RRM1: variants seen among roughly 807,000 people sequenced by gnomAD.
RRM1 encodes ribonucleoside-diphosphate reductase large subunit.
In RRM1, 19 loss-of-function variants were observed where a neutral mutation model predicts 101.5. The observed-to-expected ratio is 0.19, with a 90% CI of 0.13 to 0.27. The LOEUF is 0.27. Ranked by LOEUF, RRM1 falls within the 10% of genes least tolerant of loss-of-function variation. RRM1 has a pLI of 1.00. For synonymous variants in RRM1, 298 were observed against 323.4 expected, an observed-to-expected ratio of 0.92 and a Z score of 0.84; for missense variants, 500 against 962.9, an observed-to-expected ratio of 0.52 and a Z score of 6.36.
intron 4 of RRM1, 85 bp downstream of exon 4, chr11:4,107,620 A>G: frequency 1.3e-6 from 1 of 770,772 alleles, no homozygotes; most frequent in Non-Finnish European, 2.3e-6. Context: ...ACACTGCAAA[A>G]GATACAGGTA....
At chr11:4,111,132 C>T (rs2133296467) in intron 5 of RRM1, among the ~76,000 whole-genome samples, 1 of 152,126 alleles carries the variant, frequency 6.6e-6, no homozygotes, top group East Asian at 1.9e-4. Context: ...GAGTTTGACA[C>T]CAGCCTGGGC....
Position 4,132,556 on chromosome 11 carries a change from C to G in RRM1, c.1905+135C>G. 1.3e-6 allele frequency: 1 copy of G among 750,190 alleles called. No individual in the cohort carries two copies. Among genetic ancestry groups the G allele is most frequent in the Non-Finnish European group, 2.2e-6 (1 of 462,036 alleles). 46.5% of individuals were successfully genotyped at this position (750,190 alleles called of 1,614,324 possible). A position where few individuals can be genotyped will look rare whatever the true frequency, so the allele number is the denominator to read the frequency against. ...TTGATAAAGACAGTCATCTTCATCT[C>G]TAATATTATTATTTGTTATTAATAT... On this transcript the variant is annotated intron_variant, in intron 16 of 18. Coordinates refer to ENST00000300738, the MANE Select transcript of RRM1 (RefSeq NM_001033.5). This position sits in a 1 kb window ranked among gnomAD's most constrained non-coding sequence, Gnocchi z 4.1.
Position 4,132,447 on chromosome 11 carries a change from A to G in RRM1, c.1905+26A>G, listed in dbSNP as rs770397893. 9.2e-5 allele frequency: 149 copies of G among 1,611,558 alleles called. No individual in the cohort carries two copies. Among genetic ancestry groups the G allele is most frequent in the Middle Eastern group, 1.6e-4 (1 of 6,078 alleles). On this transcript the variant is annotated intron_variant, in intron 16 of 18. Transcript: ENST00000300738. This position sits in a 1 kb window ranked among gnomAD's most constrained non-coding sequence, Gnocchi z 4.1. ...GTGAGCAGTTCACAACCAGCCTTAC[A>G]GGGAGATCTTTCAAAAGCCTGATGT...
rs754043252 is a variant in RRM1, at chr11:4,127,088, G to A, written c.1524G>A (p.Leu508=). Residue 508 remains leucine (L), a synonymous_variant, in exon 14 of 19, where the codon CTG becomes CTA. Coordinates refer to ENST00000300738, the MANE Select transcript of RRM1 (RefSeq NM_001033.5). ...HRPIGIGVQG[L]ADAFILMRYP... ...CCATTGGAATTGGGGTACAAGGTCTGGCAGATGCTTTTATCCTGATGAGAT... is the reference window on the plus strand; with the variant it reads ...CCATTGGAATTGGGGTACAAGGTCTAGCAGATGCTTTTATCCTGATGAGAT... The A allele has an allele frequency of 6.2e-7, 1 of 1,614,152 alleles. No homozygotes were observed. The highest frequency in any genetic ancestry group is 1.1e-5 in the South Asian group (1 of 91,072).
chr11:4,129,482 T>C (rs574416928), intron 15 of RRM1, among the ~76,000 whole-genome samples: 2 of 152,222 alleles, frequency 1.3e-5, no homozygotes, highest in East Asian at 1.9e-4. Flanking sequence ...TTTTTTTAAA[T>C]GTTTTTCATT....
chr11:4,095,461 G>T (rs937651487), intron 1 of RRM1, among the ~76,000 whole-genome samples: 21 of 150,086 alleles, frequency 1.4e-4, no homozygotes, highest in African/African-American at 5.1e-4. Flanking sequence ...TTTGAAAACC[G>T]TGGGGTTGGT....
At chr11:4,125,739 A>T (rs1010189261) in intron 12 of RRM1, among the ~76,000 whole-genome samples, 2 of 152,206 alleles carry the variant, frequency 1.3e-5, no homozygotes, top group African/African-American at 4.8e-5. Context: ...AATTCTGTTT[A>T]AAAATTATAC....
intron 8 of RRM1, 166 bp from the exon 9 acceptor site, chr11:4,119,679 T>G: frequency 1.7e-6 from 1 of 595,216 alleles, no homozygotes; most frequent in Non-Finnish European, 3.0e-6. Flanking sequence ...ATTTTGTTGA[T>G]TTTATTTGGG....
chr11:4,111,998 A>G lies in RRM1; in HGVS notation c.586A>G (p.Arg196Gly). The G allele has an allele frequency of 2.5e-6, 4 of 1,614,108 alleles. No individual in the cohort carries two copies. The highest frequency in any genetic ancestry group is 3.4e-6 in the Non-Finnish European group (4 of 1,179,982). The change falls in exon 7 of 19, where the codon AGG (arginine) becomes GGG (glycine). Residue 196 changes from arginine (R) to glycine (G), a missense_variant. By Grantham distance (125) the Arg-to-Gly change is moderately radical. Around this residue, in one of 9 missense-constraint regions of RRM1, gnomAD observed 111 missense variants for 219.8 expected, o/e 0.51. Coordinates refer to ENST00000300738, the MANE Select transcript of RRM1 (RefSeq NM_001033.5). ...TGAAACATATAATCTTCTTTCTGAG[A>G]GGTGGTTTACTCATGCTTCGCCCAC... ...AIETYNLLSE[R>G]WFTHASPTLF...
At chr11:4,133,272 G>A (rs926740632) in intron 16 of RRM1, among the ~76,000 whole-genome samples, 1 of 152,192 alleles carries the variant, frequency 6.6e-6, no homozygotes, top group Non-Finnish European at 1.5e-5. Flanking sequence ...TGCCTCCTGG[G>A]TTCAAGCAAT....
Position 4,132,551 on chromosome 11 carries a change from C to A in RRM1, c.1905+130C>A. The A allele has an allele frequency of 1.3e-6, 1 of 770,720 alleles. No homozygotes were observed. The highest frequency in any genetic ancestry group is 2.1e-6 in the Non-Finnish European group (1 of 473,368). The allele number at this position is 770,720 out of a possible 1,614,324, so 47.7% of individuals were successfully genotyped here. On this transcript the variant is annotated intron_variant, in intron 16 of 18. Coordinates refer to ENST00000300738, the MANE Select transcript of RRM1 (RefSeq NM_001033.5). The surrounding 1 kb of genome is among the most constrained non-coding windows in gnomAD (Gnocchi z 4.1). ...AAACTTTGATAAAGACAGTCATCTT[C>A]ATCTCTAATATTATTATTTGTTATT...
At chr11:4,133,754 G>C (rs1417234975) in intron 17 of RRM1, 96 bp downstream of exon 17, 2 of 686,892 alleles carry the variant, frequency 2.9e-6, no homozygotes, top group Non-Finnish European at 5.0e-6. Flanking sequence ...TGACTTCATT[G>C]TGTTCATCTA....
rs2094576767 is a variant in RRM1 at position 4,118,309 on chromosome 11, T to C, written c.651-11T>C. On this transcript the variant is annotated splice_polypyrimidine_tract_variant and intron_variant, in intron 7 of 18. Transcript: ENST00000300738. ...TCCTTGCTCTAAGTTGAGACATTTT[T>C]TCCCCCGTAGCTGTTTTCTTCTGAG... The C allele has an allele frequency of 6.2e-7, 1 of 1,608,728 alleles. No homozygotes were observed. Among genetic ancestry groups the C allele is most frequent in the Admixed American group, 1.7e-5 (1 of 59,696 alleles).
rs554639015 is a variant in RRM1, at chr11:4,100,178, T to A, written c.20-1815T>A. 3.9e-5 allele frequency among the ~76,000 whole-genome samples: 6 copies of A among 152,354 alleles called. No individual in the cohort carries two copies. In the South Asian group the frequency reaches 8.3e-4, roughly 21 times the overall value. The stretch of plus-strand genomic sequence containing the variant: ...TAGAAGAAAAAGCAACTTGTTCTAG[T>A]GATAATGGGTTAATAGTGATGTCTT... On this transcript the variant is annotated intron_variant, in intron 1 of 18. Transcript: ENST00000300738.
At chr11:4,106,404 G>C (rs1363246081) in intron 3 of RRM1, 181 bp downstream of exon 3, 16 of 596,612 alleles carry the variant, frequency 2.7e-5, no homozygotes, top group Middle Eastern at 4.4e-4. Flanking sequence ...TTTGAGACCA[G>C]CCTGGGCAAT....
chr11:4,095,779 G>T (rs1000698726), intron 1 of RRM1, among the ~76,000 whole-genome samples: 5 of 152,130 alleles, frequency 3.3e-5, no homozygotes, highest in African/African-American at 1.2e-4. Flanking sequence ...TTTGTGCCCA[G>T]CCCTTTGCTT....
intron 5 of RRM1, 70 bp downstream of exon 5, chr11:4,109,773 T>C: frequency 7.6e-7 from 1 of 1,320,204 alleles, no homozygotes; most frequent in Non-Finnish European, 1.1e-6. Flanking sequence ...TGTTTATGTT[T>C]TGGTGACAGT....
intron 12 of RRM1, among the ~76,000 whole-genome samples, chr11:4,124,831 T>TTTTTC (rs147896717): frequency 2.0e-5 from 3 of 149,886 alleles, no homozygotes; most frequent in Admixed American, 6.6e-5. Flanking sequence ...TTCAGTGTTT[T>TTTTTC]TTTTCTTTTC....
chr11:4,112,326 C>T (rs1223092966), intron 7 of RRM1, among the ~76,000 whole-genome samples: 1 of 151,720 alleles, frequency 6.6e-6, no homozygotes, highest in Non-Finnish European at 1.5e-5. Context: ...GAGTAGTACA[C>T]TTTAAATGGG....
Sources: gnomAD v4.1 joint callset for allele counts (sites outside exome capture counted in the v4.1 genomes callset) on GRCh38, gnomAD v4.1.1 for gene constraint, gnomAD v4.1.1 regional missense constraint, Gnocchi (gnomAD v3.1) non-coding constraint, MANE v1.5 for transcripts, NCBI Gene and HGNC (gene_info 2026-07-23, HGNC 2026-07-21) for gene names.